Variants in TEX2 observed in about 807,000 individuals in gnomAD.
The protein encoded by TEX2 is testis-expressed protein 2.
TEX2 carries 53 observed loss-of-function variants against 106.9 expected under a neutral mutation model. That is an observed-to-expected ratio of 0.50 (90% confidence interval 0.40 to 0.62). The LOEUF (loss-of-function observed/expected upper bound fraction) is 0.62. Among genes scored for constraint, TEX2 ranks in the 20% least tolerant of loss-of-function variants. TEX2 has a pLI of 0.00. For missense variants in TEX2, 1,207 were observed against 1,379.0 expected (o/e 0.88, Z 1.98); for synonymous variants, 523 against 534.8 (o/e 0.98, Z 0.30).
chr17:64,194,777 G>C, intron 3 of TEX2, 118 bp downstream of exon 3: 2 of 873,860 alleles, frequency 2.3e-6, no homozygotes, highest in South Asian at 3.1e-5. Flanking sequence ...TGTCCCCTAA[G>C]GTATACTGTT....
At chr17:64,178,132 C>T (rs903936830) in intron 5 of TEX2, among the ~76,000 whole-genome samples, 25 of 152,302 alleles carry the variant, frequency 1.6e-4, no homozygotes, top group Middle Eastern at 3.4e-3. Context: ...TCACCAATCT[C>T]GGCCCAGCGA....
At chr17:64,166,603 G>C (rs903165888) in intron 7 of TEX2, among the ~76,000 whole-genome samples, 2 of 152,212 alleles carry the variant, frequency 1.3e-5, no homozygotes, top group Non-Finnish European at 2.9e-5. Flanking sequence ...TTGAAAAAGA[G>C]CTATGTTTTC....
At chr17:64,172,715 G>A (rs536926844) in intron 6 of TEX2, among the ~76,000 whole-genome samples, 2 of 152,204 alleles carry the variant, frequency 1.3e-5, no homozygotes, top group South Asian at 2.1e-4. Flanking sequence ...CTCTCCCTAC[G>A]AGTTTTTCTC....
At chr17:64,231,674 G>A (rs1409211733) in intron 1 of TEX2, among the ~76,000 whole-genome samples, 1 of 152,178 alleles carries the variant, frequency 6.6e-6, no homozygotes, top group Non-Finnish European at 1.5e-5. Flanking sequence ...AGGTCCTGGG[G>A]TGCAACACAA....
At chr17:64,149,391 A>C (rs370977188) in intron 11 of TEX2, 74 of 288,600 alleles carry the variant, frequency 2.6e-4, no homozygotes, top group African/African-American at 1.6e-3. Flanking sequence ...ATTTAAGAGA[A>C]TTGGCTTAAG....
At chr17:64,178,500 C>T (rs1368081730) in intron 5 of TEX2, among the ~76,000 whole-genome samples, 1 of 152,146 alleles carries the variant, frequency 6.6e-6, no homozygotes, top group Admixed American at 6.5e-5. Context: ...GAAATGAGTG[C>T]AGCGCCTGAC....
intron 7 of TEX2, among the ~76,000 whole-genome samples, chr17:64,163,924 T>C (rs1264735924): frequency 1.3e-5 from 2 of 152,220 alleles, no homozygotes; most frequent in Non-Finnish European, 2.9e-5. Context: ...CTGAAAATAC[T>C]TTCTATAACC....
chr17:64,155,418 G>A (rs2030575987), intron 8 of TEX2: 1 of 154,000 alleles, frequency 6.5e-6, no homozygotes, highest in African/African-American at 2.4e-5. Context: ...GTTGAGGCAA[G>A]TCCCTTGGCT....
intron 5 of TEX2, among the ~76,000 whole-genome samples, chr17:64,187,611 T>C (rs533800745): frequency 6.6e-6 from 1 of 152,126 alleles, no homozygotes; most frequent in Non-Finnish European, 1.5e-5. Context: ...CTCAAAACCC[T>C]CCCATGGCCT....
Position 64,148,387 on chromosome 17 carries a change from T to A in TEX2, c.*582A>T, listed in dbSNP as rs2030165273. 1 of 153,088 alleles carries A rather than the reference T, an allele frequency of 6.5e-6. No individual in the cohort carries two copies. The highest frequency in any genetic ancestry group is 1.5e-5 in the Non-Finnish European group (1 of 68,424). The allele number at this position is 153,088 out of a possible 1,614,324, so 9.5% of individuals were successfully genotyped here. On this transcript the variant is annotated 3_prime_UTR_variant, in exon 12 of 12. Transcript: ENST00000584379. ...CCTTACCCAAGCTGATAGCGTGTTG[T>A]GTGTGTACTATGGCTACTTGCTTCC...
intron 1 of TEX2, among the ~76,000 whole-genome samples, chr17:64,233,209 G>A (rs78229390): frequency 0.041 from 6,187 of 151,972 alleles, 432 homozygotes; most frequent in African/African-American, 0.14. Context: ...ACCCTGCCCC[G>A]GGGCCCACCC....
At chr17:64,250,567 A>G (rs995846485) in intron 1 of TEX2, among the ~76,000 whole-genome samples, 3 of 152,230 alleles carry the variant, frequency 2.0e-5, no homozygotes, top group Admixed American at 6.5e-5. Flanking sequence ...AAACATCTGC[A>G]TGGTCTACTA....
chr17:64,250,408 T>C (rs2034067330), intron 1 of TEX2, among the ~76,000 whole-genome samples: 2 of 152,162 alleles, frequency 1.3e-5, no homozygotes. Flanking sequence ...AGTCACAAGC[T>C]CCCTTGCCCT....
chr17:64,179,453 C>G (rs2031755600), intron 5 of TEX2, among the ~76,000 whole-genome samples: 1 of 152,214 alleles, frequency 6.6e-6, no homozygotes, highest in Non-Finnish European at 1.5e-5. Context: ...TGCCCTTACA[C>G]AGTGTGGAAG....
In TEX2 at chr17:64,148,275, G is replaced by GCCC. The variant is rs2030158914; in HGVS notation, c.*691_*693dup. Reference sequence around the variant, plus strand: ...TCAGGAAAACATTCAAGATTAGCTAGCCCCCAGGTGGTTGTACCTCATTGG... The same window carrying GCCC: ...TCAGGAAAACATTCAAGATTAGCTAGCCCCCCCCAGGTGGTTGTACCTCATTGG... On this transcript the variant is annotated 3_prime_UTR_variant, in exon 12 of 12. Transcript: ENST00000584379. 6.6e-6 allele frequency: 1 copy of GCCC among 152,594 alleles called. No homozygotes were observed. Among genetic ancestry groups the GCCC allele is most frequent in the African/African-American group, 2.4e-5 (1 of 41,414 alleles). 9.5% of individuals were successfully genotyped at this position (152,594 alleles called of 1,614,324 possible).
chr17:64,154,436 A>G (rs1021022102), intron 9 of TEX2, among the ~76,000 whole-genome samples: 3 of 152,238 alleles, frequency 2.0e-5, no homozygotes, highest in African/African-American at 7.2e-5. Context: ...GCCAAAGAAA[A>G]TCATCTGAAT....
chr17:64,250,523 G>T (rs1183704771), intron 1 of TEX2, among the ~76,000 whole-genome samples: 1 of 152,160 alleles, frequency 6.6e-6, no homozygotes. Context: ...AGAGTTTACT[G>T]CATGGTCCAC....
chr17:64,254,086 G>A (rs1402981820), intron 1 of TEX2, among the ~76,000 whole-genome samples: 1 of 152,148 alleles, frequency 6.6e-6, no homozygotes, highest in Non-Finnish European at 1.5e-5. Context: ...CCACTTAACA[G>A]ACGCCTCTCT....
chr17:64,183,877 C>T (rs144729015), intron 5 of TEX2, among the ~76,000 whole-genome samples: 166 of 149,728 alleles, frequency 1.1e-3, no homozygotes, highest in Non-Finnish European at 1.9e-3. Flanking sequence ...GTGATCCATT[C>T]GCCTCAGTCT....
Sources: gnomAD v4.1 joint callset for allele counts (sites outside exome capture counted in the v4.1 genomes callset) on GRCh38, gnomAD v4.1.1 for gene constraint, MANE v1.5 for transcripts, NCBI Gene and HGNC (gene_info 2026-07-23, HGNC 2026-07-21) for gene names.